The following CNST variants were observed in gnomAD, a reference collection of about 807,000 sequenced individuals.
The protein encoded by CNST is consortin, connexin sorting protein, also known as consortin.
Under a neutral mutation model 72.4 loss-of-function variants are expected in CNST, and 39 were observed. That is an observed-to-expected ratio of 0.54 (90% confidence interval 0.42 to 0.70). The LOEUF (loss-of-function observed/expected upper bound fraction) is 0.70, where lower values mean the gene tolerates loss of function less well. Among genes scored for constraint, CNST ranks in the 30% least tolerant of loss-of-function variants. The probability of loss-of-function intolerance (pLI) is 0.00; values close to 1 mark genes in which losing one functional copy is unlikely to be tolerated. For synonymous variants in CNST, 332 were observed against 320.1 expected (o/e 1.04, Z -0.40); for missense variants, 871 against 868.5 (o/e 1.00, Z -0.04).
At chr1:246,631,234 C>T (rs907299769) in intron 3 of CNST, among the ~76,000 whole-genome samples, 1 of 152,062 alleles carries the variant, frequency 6.6e-6, no homozygotes, top group Non-Finnish European at 1.5e-5. Flanking sequence ...GAACTGAGAC[C>T]AGCTCCTGAG....
chr1:246,637,640 A>G (rs1665379423), intron 6 of CNST, among the ~76,000 whole-genome samples: 1 of 152,182 alleles, frequency 6.6e-6, no homozygotes, highest in South Asian at 2.1e-4. Flanking sequence ...CTTTAAGGAC[A>G]GAGTTGATGT....
rs1266477562 is a variant in CNST at position 246,650,338 on chromosome 1, A to C, written c.1836+2301A>C. ...TGATCTATTAAGTTAAGCTATTTTAAGAACCCCAAAAGCTACATATACATG... is the reference window on the plus strand; with the variant it reads ...TGATCTATTAAGTTAAGCTATTTTACGAACCCCAAAAGCTACATATACATG... On this transcript the variant is annotated intron_variant, in intron 9 of 10. Transcript: ENST00000366513. Among the ~76,000 whole-genome samples the C allele has an allele frequency of 2.0e-5, 3 of 152,166 alleles. No homozygotes were observed. The East Asian group carries it at 5.8e-4, about 29-fold the overall frequency.
At chr1:246,585,641 CAAAAAAAAAAA>C (rs543693321) in intron 1 of CNST, among the ~76,000 whole-genome samples, 1 of 42,846 alleles carries the variant, frequency 2.3e-5, no homozygotes, top group East Asian at 8.8e-4. Flanking sequence ...GACTCTGTCT[CAAAAAAAAAAA>C]AAAAAAAAAA....
At chr1:246,654,200 C>A (rs1006900139) in intron 9 of CNST, among the ~76,000 whole-genome samples, 3 of 152,152 alleles carry the variant, frequency 2.0e-5, no homozygotes, top group Admixed American at 6.5e-5. Flanking sequence ...CAGACTATAC[C>A]GTAGTCAGAC....
intron 2 of CNST, among the ~76,000 whole-genome samples, chr1:246,601,843 G>A (rs1662309296): frequency 6.6e-6 from 1 of 152,136 alleles, no homozygotes; most frequent in South Asian, 2.1e-4. Flanking sequence ...TTGCAAGGGT[G>A]TATAGTCTGC....
intron 2 of CNST, among the ~76,000 whole-genome samples, chr1:246,601,789 A>G (rs1200136204): frequency 6.6e-6 from 1 of 152,186 alleles, no homozygotes; most frequent in African/African-American, 2.4e-5. Flanking sequence ...AGCGAAACTC[A>G]GTCTCAAAAA....
At chr1:246,660,356 C>T (rs1267439764) in intron 10 of CNST, 22 bp downstream of exon 10, 1 of 1,604,086 alleles carries the variant, frequency 6.2e-7, no homozygotes, top group African/African-American at 1.3e-5. Context: ...GGCACTGTGG[C>T]TAGCAGGATA....
At chr1:246,628,145 C>T (rs1664559111) in intron 3 of CNST, among the ~76,000 whole-genome samples, 1 of 152,064 alleles carries the variant, frequency 6.6e-6, no homozygotes, top group African/African-American at 2.4e-5. Context: ...GCTTTATATT[C>T]CCTGGCAGCT....
Position 246,652,877 on chromosome 1 carries a change from G to A in CNST, c.1836+4840G>A, listed in dbSNP as rs369873690. On this transcript the variant is annotated intron_variant, in intron 9 of 10. Coordinates refer to ENST00000366513, the MANE Select transcript of CNST (RefSeq NM_152609.3). ...AAACTAGCCGGGCGTGGTGGCGGGC[G>A]CCTGTAGTCCCAGCTACTCGGGAGG... is the stretch of plus-strand genomic sequence containing the variant. Among the ~76,000 whole-genome samples, 853 of 150,900 alleles carry A rather than the reference G, an allele frequency of 5.7e-3. 6 individuals are homozygous for A. Among genetic ancestry groups the A allele is most frequent in the Middle Eastern group, 0.01 (3 of 292 alleles).
chr1:246,643,882 A>G (rs1665875202), intron 8 of CNST, among the ~76,000 whole-genome samples: 1 of 152,222 alleles, frequency 6.6e-6, no homozygotes, highest in Non-Finnish European at 1.5e-5. Flanking sequence ...TAGTATTTCT[A>G]AATAATGGGA....
intron 9 of CNST, among the ~76,000 whole-genome samples, chr1:246,659,466 G>C (rs1461950867): frequency 6.6e-6 from 1 of 152,146 alleles, no homozygotes; most frequent in Non-Finnish European, 1.5e-5. Flanking sequence ...ATGGTGGCGG[G>C]TGCCTGTAGT....
intron 2 of CNST, among the ~76,000 whole-genome samples, chr1:246,615,321 G>A (rs968046048): frequency 3.6e-4 from 55 of 152,138 alleles, no homozygotes; most frequent in African/African-American, 1.3e-3. Flanking sequence ...GACTACAGGC[G>A]CGTGCCACCA....
At chr1:246,615,266 C>T (rs1390348769) in intron 2 of CNST, among the ~76,000 whole-genome samples, 1 of 152,148 alleles carries the variant, frequency 6.6e-6, no homozygotes, top group African/African-American at 2.4e-5. Context: ...ACCTCCGCCT[C>T]CCGGGTTCAC....
chr1:246,645,572 C>T (rs1373484424), intron 8 of CNST, among the ~76,000 whole-genome samples: 27 of 151,860 alleles, frequency 1.8e-4, no homozygotes, highest in African/African-American at 6.3e-4. Context: ...GGACTACAGG[C>T]GCCCGCCACC....
At chr1:246,595,669 A>C (rs1194466448) in intron 2 of CNST, among the ~76,000 whole-genome samples, 4 of 152,176 alleles carry the variant, frequency 2.6e-5, no homozygotes, top group African/African-American at 7.2e-5. Context: ...AAAACATGAT[A>C]TTCAGTTGCA....
chr1:246,642,837 G>GATGATGATGGTGATGAT (rs138062150), intron 8 of CNST, among the ~76,000 whole-genome samples: 3 of 10,408 alleles, frequency 2.9e-4, no homozygotes, highest in African/African-American at 2.2e-3. Flanking sequence ...TGGTGGTGAT[G>GATGATGATGGTGATGAT]GATGGTGATG....
chr1:246,568,139 AAAAG>A (rs1363598946), intron 1 of CNST, among the ~76,000 whole-genome samples: 14 of 152,196 alleles, frequency 9.2e-5, no homozygotes, highest in Non-Finnish European at 1.9e-4. Context: ...TCCTTAAAAA[AAAAG>A]AAAGAAAGAA....
intron 8 of CNST, among the ~76,000 whole-genome samples, chr1:246,646,182 A>T (rs982236662): frequency 1.3e-5 from 2 of 149,022 alleles, no homozygotes; most frequent in African/African-American, 5.0e-5. Flanking sequence ...CGGGAGGCTG[A>T]GGCAGGAGAA....
intron 9 of CNST, among the ~76,000 whole-genome samples, chr1:246,652,973 C>T (rs1015893142): frequency 7.3e-5 from 11 of 150,474 alleles, no homozygotes; most frequent in Admixed American, 5.3e-4. Flanking sequence ...CACTGCACTC[C>T]AGCCTGGGCT....
Sources: allele counts gnomAD v4.1 joint callset (sites outside exome capture counted in the v4.1 genomes callset), GRCh38; gene constraint gnomAD v4.1.1; transcripts MANE v1.5; gene names NCBI Gene and HGNC (gene_info 2026-07-23, HGNC 2026-07-21).